Variants in UBR1 observed in about 807,000 individuals in gnomAD.
UBR1 encodes ubiquitin protein ligase E3 component n-recognin 1.
In UBR1, 102 loss-of-function variants were observed where a neutral mutation model predicts 242.1. That is an observed-to-expected ratio of 0.42 (90% CI 0.36 to 0.50). The LOEUF (loss-of-function observed/expected upper bound fraction) is 0.50. Ranked by LOEUF, UBR1 falls within the 20% of genes least tolerant of loss-of-function variation. The probability of loss-of-function intolerance (pLI) is 0.01; values close to 1 mark genes in which losing one functional copy is unlikely to be tolerated. For synonymous variants in UBR1, 675 were observed against 684.8 expected, an observed-to-expected ratio of 0.99 and a Z score of 0.22; for missense variants, 1,772 against 2,101.8, an observed-to-expected ratio of 0.84 and a Z score of 3.07.
chr15:42,950,499 AAT>A, intron 45 of UBR1, 136 bp from the exon 46 acceptor site: 3 of 704,996 alleles, frequency 4.3e-6, no homozygotes, highest in Non-Finnish European at 7.6e-6. Flanking sequence ...TAAACAGACA[AAT>A]AGACTAAATT....
chr15:42,985,744 T>C (rs1204255261), intron 35 of UBR1, among the ~76,000 whole-genome samples: 1 of 151,836 alleles, frequency 6.6e-6, no homozygotes, highest in Non-Finnish European at 1.5e-5. Context: ...ATCCCTGGAC[T>C]TTGGGTGGGT....
Position 42,977,958 on chromosome 15 carries a change from C to G in UBR1, c.4151-11G>C. 2 of 1,606,368 alleles carry G rather than the reference C, an allele frequency of 1.2e-6. No individual in the cohort carries two copies. The highest frequency in any genetic ancestry group is 1.7e-6 in the Non-Finnish European group (2 of 1,173,434). On this transcript the variant is annotated splice_polypyrimidine_tract_variant and intron_variant, in intron 37 of 46. Transcript: ENST00000290650. ...TGTTAGGAAGAACAACTAAAACAAA[C>G]AAAAAGTTAATGTAATTCAGTCAGT...
chr15:42,960,505 G>C, intron 43 of UBR1, 140 bp downstream of exon 43: 1 of 858,442 alleles, frequency 1.2e-6, no homozygotes, highest in Non-Finnish European at 1.9e-6. Context: ...TCTGATTTCT[G>C]GCAAAGACCT....
At chr15:43,030,163 T>C in intron 20 of UBR1, 95 bp from the exon 21 acceptor site, 1 of 1,375,614 alleles carries the variant, frequency 7.3e-7, no homozygotes, top group Non-Finnish European at 1.0e-6. Context: ...GAACACTGCA[T>C]TAAATTAAAT....
In UBR1 at chr15:43,021,256, C is replaced by T. The variant is rs372364095; in HGVS notation, c.2940+19G>A. 1.2e-6 allele frequency: 2 copies of T among 1,604,240 alleles called. No homozygotes were observed. Among genetic ancestry groups the T allele is most frequent in the Admixed American group, 3.3e-5 (2 of 59,984 alleles). On this transcript the variant is annotated intron_variant, in intron 27 of 46. Coordinates refer to ENST00000290650, the MANE Select transcript of UBR1 (RefSeq NM_174916.3). The stretch of plus-strand genomic sequence containing the variant: ...AAATATTTAAACCAAGATATGATCA[C>T]TTTACTTTTTTAGTTTACCTGAAGT...
chr15:43,074,661 C>T (rs1008611757), intron 4 of UBR1, among the ~76,000 whole-genome samples: 5 of 152,126 alleles, frequency 3.3e-5, no homozygotes, highest in Non-Finnish European at 5.9e-5. Context: ...AACTCCTGAC[C>T]TCAGGTGATT....
intron 35 of UBR1, among the ~76,000 whole-genome samples, chr15:42,987,370 T>G (rs372760058): frequency 6.6e-6 from 1 of 152,236 alleles, no homozygotes; most frequent in Non-Finnish European, 1.5e-5. Context: ...AAAGCGACTC[T>G]TAAACTCTAT....
intron 25 of UBR1, 143 bp downstream of exon 25, chr15:43,024,686 G>T: frequency 8.9e-7 from 1 of 1,123,732 alleles, no homozygotes; most frequent in Non-Finnish European, 1.3e-6. Flanking sequence ...AAAAAAATTT[G>T]TGCTGTGTGT....
chr15:42,971,782 A>G (rs1306831450), intron 39 of UBR1, among the ~76,000 whole-genome samples: 2 of 152,178 alleles, frequency 1.3e-5, no homozygotes, highest in African/African-American at 2.4e-5. Flanking sequence ...TAAGTGCACA[A>G]ATATCAAGTG....
intron 1 of UBR1, among the ~76,000 whole-genome samples, chr15:43,096,407 C>G (rs1310806735): frequency 6.6e-6 from 1 of 152,110 alleles, no homozygotes; most frequent in East Asian, 1.9e-4. Context: ...GGCAATCCGC[C>G]CACCTCGGCC....
intron 5 of UBR1, among the ~76,000 whole-genome samples, chr15:43,069,963 T>C (rs1412656744): frequency 2.0e-5 from 3 of 152,220 alleles, no homozygotes; most frequent in African/African-American, 7.2e-5. Context: ...TTTAGCCTAA[T>C]AAGAGTCAAA....
In UBR1 at chr15:42,952,467, AT is replaced by A; in HGVS notation, c.4836-20del. On this transcript the variant is annotated intron_variant, in intron 44 of 46. Coordinates refer to ENST00000290650, the MANE Select transcript of UBR1 (RefSeq NM_174916.3). The stretch of plus-strand genomic sequence containing the variant: ...TGGGCACCTCAAAAGAGAAGAAAAC[AT>A]TTAGAGAATGATGGAAAAACAAAAC... 6.2e-7 allele frequency: 1 copy of A among 1,614,020 alleles called. No homozygotes were observed.
Position 43,062,359 on chromosome 15 carries a change from A to ATT in UBR1, c.799-2246_799-2245insAA, listed in dbSNP as rs2033699324. Reference sequence around the variant, plus strand: ...TATATATATATACAAACAGACAAATACTGCATGATCTCATTTGTATGAGAT... The same window carrying ATT: ...TATATATATATACAAACAGACAAATATTCTGCATGATCTCATTTGTATGAGAT... On this transcript the variant is annotated intron_variant, in intron 6 of 46. Transcript: ENST00000290650. Among the ~76,000 whole-genome samples the ATT allele has an allele frequency of 2.6e-5, 4 of 152,294 alleles. No individual in the cohort carries two copies. The East Asian group carries it at 7.7e-4, about 29-fold the overall frequency.
chr15:43,055,468 A>G (rs1001492621), intron 11 of UBR1, among the ~76,000 whole-genome samples: 1 of 152,136 alleles, frequency 6.6e-6, no homozygotes, highest in African/African-American at 2.4e-5. Flanking sequence ...ACAATGAGCA[A>G]GTATAACAAA....
intron 12 of UBR1, 66 bp downstream of exon 12, chr15:43,054,676 T>C (rs1404485022): frequency 5.8e-6 from 9 of 1,562,414 alleles, no homozygotes; most frequent in African/African-American, 5.4e-5. Flanking sequence ...GGATTACTTA[T>C]AAGACACAGC....
Position 42,945,311 on chromosome 15 carries a change from T to C in UBR1, c.*18A>G, listed in dbSNP as rs373737770. On this transcript the variant is annotated 3_prime_UTR_variant, in exon 47 of 47. Transcript: ENST00000290650. ...ACTACTGTCGTCATTTGTGATTGTC[T>C]TGAGGCAGAGTTGGAGCTCACAGTA... The C allele has an allele frequency of 6.2e-7, 1 of 1,614,026 alleles. No homozygotes were observed. The highest frequency in any genetic ancestry group is 1.3e-5 in the African/African-American group (1 of 74,942).
In UBR1 at chr15:43,024,813, T is replaced by C. The variant is rs143229730; in HGVS notation, c.2739+16A>G. On this transcript the variant is annotated intron_variant, in intron 25 of 46. Transcript: ENST00000290650. ...TCTAGGACTTGATGTAGAGAAAATA[T>C]TTCAGGTAAACAAACCATTTGGAGC... is the stretch of plus-strand genomic sequence containing the variant. The C allele has an allele frequency of 4.3e-6, 7 of 1,614,166 alleles. No individual in the cohort carries two copies. In the African/African-American group the frequency reaches 9.3e-5, roughly 22 times the overall value.
In UBR1 at chr15:42,952,898, G is replaced by T. The variant is rs530656953; in HGVS notation, c.4836-450C>A. Among the ~76,000 whole-genome samples the T allele has an allele frequency of 2.6e-5, 4 of 152,084 alleles. No individual in the cohort carries two copies. In the East Asian group the frequency reaches 7.7e-4, roughly 29 times the overall value. ...AAAAAAAATTAAAATTTACAGTAAG[G>T]GTCCAAACACATTCCCCCCATTTCT... On this transcript the variant is annotated intron_variant, in intron 44 of 46. Coordinates refer to ENST00000290650, the MANE Select transcript of UBR1 (RefSeq NM_174916.3).
intron 42 of UBR1, among the ~76,000 whole-genome samples, chr15:42,962,148 T>C (rs1383770068): frequency 6.6e-6 from 1 of 152,168 alleles, no homozygotes. Context: ...TCTTATTCAT[T>C]TATTTTTTAC....
Sources: allele counts gnomAD v4.1 joint callset (sites outside exome capture counted in the v4.1 genomes callset), GRCh38; gene constraint gnomAD v4.1.1; transcripts MANE v1.5; gene names NCBI Gene and HGNC (gene_info 2026-07-23, HGNC 2026-07-21).